The following ELMO1 variants were observed in gnomAD, a reference collection of about 807,000 sequenced individuals.
ELMO1 encodes the protein engulfment and cell motility protein 1.
ELMO1 carries 26 observed loss-of-function variants against 98.9 expected under a neutral mutation model. The observed-to-expected ratio is 0.26, with a 90% confidence interval of 0.19 to 0.36. ELMO1 has a LOEUF of 0.36. Ranked by LOEUF, ELMO1 falls within the 10% of genes least tolerant of loss-of-function variation. ELMO1 has a pLI of 1.00. For missense variants in ELMO1, 627 were observed against 935.2 expected, an observed-to-expected ratio of 0.67 and a Z score of 4.30; for synonymous variants, 346 against 346.0, an observed-to-expected ratio of 1.00 and a Z score of 0.00.
At chr7:37,147,153 T>C (rs574886389) in intron 13 of ELMO1, among the ~76,000 whole-genome samples, 2 of 152,316 alleles carry the variant, frequency 1.3e-5, no homozygotes, top group Admixed American at 1.3e-4. Flanking sequence ...ATCTGGCTCA[T>C]GAATAATTCA....
chr7:36,941,397 C>G (rs762751957), intron 16 of ELMO1, among the ~76,000 whole-genome samples: 1 of 152,074 alleles, frequency 6.6e-6, no homozygotes, highest in East Asian at 1.9e-4. Context: ...ACAGGTTCCA[C>G]GATGTGTTGG....
At chr7:37,038,549 T>C (rs1246217880) in intron 15 of ELMO1, among the ~76,000 whole-genome samples, 3 of 152,226 alleles carry the variant, frequency 2.0e-5, no homozygotes, top group East Asian at 3.8e-4. Flanking sequence ...TTTTGAATTT[T>C]CTAATCATCA....
chr7:36,885,774 AG>A (rs1328380729), intron 18 of ELMO1, among the ~76,000 whole-genome samples: 4 of 152,160 alleles, frequency 2.6e-5, no homozygotes, highest in African/African-American at 9.7e-5. Flanking sequence ...AAAGACACCT[AG>A]GTGGTTATTT....
chr7:37,371,588 T>C (rs1239983505), intron 1 of ELMO1, among the ~76,000 whole-genome samples: 1 of 152,214 alleles, frequency 6.6e-6, no homozygotes, highest in African/African-American at 2.4e-5. Flanking sequence ...TATATTTCAA[T>C]TGGCTATGTC....
At chr7:37,214,830 C>T (rs960634596) in intron 11 of ELMO1, among the ~76,000 whole-genome samples, 3 of 152,206 alleles carry the variant, frequency 2.0e-5, no homozygotes, top group African/African-American at 7.2e-5. Context: ...GTACCAACCT[C>T]GAACTTCAGC....
intron 2 of ELMO1, among the ~76,000 whole-genome samples, chr7:37,322,629 A>AG (rs1370863384): frequency 6.6e-6 from 1 of 151,704 alleles, no homozygotes; most frequent in African/African-American, 2.4e-5. Flanking sequence ...CTCCAAAAAA[A>AG]AAAAAAAATA....
chr7:36,875,484 G>T (rs1457085875), intron 19 of ELMO1, among the ~76,000 whole-genome samples: 1 of 152,168 alleles, frequency 6.6e-6, no homozygotes, highest in Non-Finnish European at 1.5e-5. Context: ...ATCTTGCAAT[G>T]GATATACTGT....
At chr7:37,116,624 T>A (rs1785610542) in intron 14 of ELMO1, among the ~76,000 whole-genome samples, 1 of 151,878 alleles carries the variant, frequency 6.6e-6, no homozygotes, top group African/African-American at 2.4e-5. Flanking sequence ...TTCACTTTTT[T>A]CTCAACAAAT....
chr7:37,416,610 C>T (rs186797444), intron 1 of ELMO1, among the ~76,000 whole-genome samples: 3 of 152,328 alleles, frequency 2.0e-5, no homozygotes, highest in Admixed American at 1.3e-4. Context: ...CATTTGCTTA[C>T]AACAGCTCAA....
chr7:36,936,439 C>T (rs748003461), intron 16 of ELMO1, among the ~76,000 whole-genome samples: 1 of 152,140 alleles, frequency 6.6e-6, no homozygotes, highest in Non-Finnish European at 1.5e-5. Context: ...AGAGCCAACA[C>T]ATTTTCTTCT....
Position 37,025,777 on chromosome 7 carries a change from A to G in ELMO1, c.1301-12342T>C, listed in dbSNP as rs1024043567. 2.0e-5 allele frequency among the ~76,000 whole-genome samples: 3 copies of G among 151,786 alleles called. No individual in the cohort carries two copies. In the South Asian group the frequency reaches 6.2e-4, roughly 31 times the overall value. On this transcript the variant is annotated intron_variant, in intron 15 of 21. Transcript: ENST00000310758. ...TTCTCAGCCTTCATAACTACATGAG[A>G]TTATTCCTAATGATAAATCTCATAT...
rs148118828 is a variant in ELMO1 at position 37,430,078 on chromosome 7, G to T, written c.-74+18597C>A. Among the ~76,000 whole-genome samples, 48 of 152,300 alleles carry T rather than the reference G, an allele frequency of 3.2e-4. 1 individual carries two copies. The East Asian group carries it at 8.9e-3, about 28-fold the overall frequency. ...TTTATAAATAGCTGAGAAAAATTTG[G>T]CATTGACGGAGAGCACAGACAACAG... On this transcript the variant is annotated intron_variant, in intron 1 of 21. Transcript: ENST00000310758.
At chr7:37,304,101 A>C (rs2131037835) in intron 4 of ELMO1, among the ~76,000 whole-genome samples, 1 of 152,312 alleles carries the variant, frequency 6.6e-6, no homozygotes, top group East Asian at 1.9e-4. Context: ...GAAACATAGC[A>C]AATGATTTAA....
intron 15 of ELMO1, among the ~76,000 whole-genome samples, chr7:37,089,055 T>C (rs1783930170): frequency 6.6e-6 from 1 of 152,234 alleles, no homozygotes; most frequent in Non-Finnish European, 1.5e-5. Flanking sequence ...TTGAGTTTTC[T>C]TTAGCCAGAA....
chr7:37,081,395 G>A (rs1264278475), intron 15 of ELMO1, among the ~76,000 whole-genome samples: 4 of 152,208 alleles, frequency 2.6e-5, no homozygotes, highest in African/African-American at 9.7e-5. Context: ...ATGCGTATTA[G>A]TTCATTTTTA....
Position 37,437,979 on chromosome 7 carries a change from CAAAAAAAAAAA to C in ELMO1, c.-74+10685_-74+10695del, listed in dbSNP as rs57418239. Among the ~76,000 whole-genome samples the C allele has an allele frequency of 2.2e-4, 4 of 18,060 alleles. 1 individual carries two copies. The East Asian group carries it at 5.5e-3, about 25-fold the overall frequency. The allele number at this position is 18,060 out of a possible 152,430, so 11.8% of individuals were successfully genotyped here. A position where few individuals can be genotyped will look rare whatever the true frequency, so the allele number is the denominator to read the frequency against. On this transcript the variant is annotated intron_variant, in intron 1 of 21. Coordinates refer to ENST00000310758, the MANE Select transcript of ELMO1 (RefSeq NM_014800.11). ...TGGGCGACAGAGCGAGACTCCGTCT[CAAAAAAAAAAA>C]AAAAAAAAAAAGAAATATACAATAT... is the stretch of plus-strand genomic sequence containing the variant.
chr7:37,448,331 A>C (rs1361150263), intron 1 of ELMO1, among the ~76,000 whole-genome samples: 4 of 148,592 alleles, frequency 2.7e-5, no homozygotes, highest in Non-Finnish European at 6.0e-5. Flanking sequence ...CCTGGTCGAA[A>C]TGTCTCGGCG....
intron 15 of ELMO1, among the ~76,000 whole-genome samples, chr7:37,089,768 T>C (rs1301298451): frequency 1.3e-5 from 2 of 152,208 alleles, no homozygotes; most frequent in Admixed American, 1.3e-4. Context: ...GAAAAGACTG[T>C]AAAGAGACAG....
chr7:37,127,426 C>T (rs529027482), intron 14 of ELMO1, among the ~76,000 whole-genome samples: 3 of 152,280 alleles, frequency 2.0e-5, no homozygotes, highest in Non-Finnish European at 2.9e-5. Context: ...AGCCCAGAGA[C>T]GAGGCTACAG....
Sources: gnomAD v4.1 joint callset for allele counts (sites outside exome capture counted in the v4.1 genomes callset) on GRCh38, gnomAD v4.1.1 for gene constraint, MANE v1.5 for transcripts, NCBI Gene and HGNC (gene_info 2026-07-23, HGNC 2026-07-21) for gene names.